Variants in REL observed in about 807,000 individuals in gnomAD.
The protein encoded by REL is proto-oncogene c-Rel.
A neutral mutation model predicts 45.9 loss-of-function variants in REL; 15 were observed. That is an observed-to-expected ratio of 0.33 (90% confidence interval 0.22 to 0.50). The LOEUF (loss-of-function observed/expected upper bound fraction) is 0.50. Ranked by LOEUF, REL falls within the 20% of genes least tolerant of loss-of-function variation. The pLI, the probability that REL is intolerant of heterozygous loss-of-function variation, is 0.98. For synonymous variants in REL, 239 were observed against 242.1 expected (o/e 0.99, Z 0.12); for missense variants, 601 against 715.2 (o/e 0.84, Z 1.82).
chr2:60,892,736 T>C (rs1210202173), intron 2 of REL, among the ~76,000 whole-genome samples: 1 of 151,974 alleles, frequency 6.6e-6, no homozygotes, highest in Non-Finnish European at 1.5e-5. Context: ...AGCCAAGATG[T>C]ACTAAATTTA....
chr2:60,884,366 T>A (rs1673020097), intron 1 of REL, among the ~76,000 whole-genome samples: 1 of 151,812 alleles, frequency 6.6e-6, no homozygotes, highest in African/African-American at 2.4e-5. Context: ...GTATATAATA[T>A]GATTCTAAAT....
At chr2:60,901,908 G>T (rs986135135) in intron 4 of REL, among the ~76,000 whole-genome samples, 2 of 152,074 alleles carry the variant, frequency 1.3e-5, no homozygotes, top group African/African-American at 4.8e-5. Context: ...CATTTATTAA[G>T]TATTTATACT....
At chr2:60,890,703 T>C (rs1399084083) in intron 1 of REL, among the ~76,000 whole-genome samples, 2 of 152,220 alleles carry the variant, frequency 1.3e-5, no homozygotes, top group African/African-American at 2.4e-5. Context: ...TACAACAAAC[T>C]GTACTTTTAA....
At chr2:60,919,254 A>G (rs574518012) in intron 7 of REL, among the ~76,000 whole-genome samples, 17 of 151,980 alleles carry the variant, frequency 1.1e-4, no homozygotes, top group African/African-American at 4.1e-4. Flanking sequence ...GTTTTTTTTG[A>G]GACAGGGTCT....
Position 60,881,773 on chromosome 2 carries a change from G to T in REL, c.-68G>T, listed in dbSNP as rs536903342. 4 of 1,485,788 alleles carry T rather than the reference G, an allele frequency of 2.7e-6. No homozygotes were observed. The Admixed American group carries it at 6.0e-5, about 22-fold the overall frequency. 92.0% of individuals were successfully genotyped at this position (1,485,788 alleles called of 1,614,324 possible). Reference sequence around the variant, plus strand: ...GCAGAGGTCCCTCGGCCTCCTGACTGACTGACTGCGGCCGCCTCCGGCCAG... The same window carrying T: ...GCAGAGGTCCCTCGGCCTCCTGACTTACTGACTGCGGCCGCCTCCGGCCAG... On this transcript the variant is annotated 5_prime_UTR_variant, in exon 1 of 10. Coordinates refer to ENST00000394479, the MANE Select transcript of REL (RefSeq NM_001291746.2).
intron 4 of REL, among the ~76,000 whole-genome samples, chr2:60,910,762 T>C (rs1036514763): frequency 6.6e-6 from 1 of 151,910 alleles, no homozygotes; most frequent in African/African-American, 2.4e-5. Context: ...TGAAACCCCG[T>C]CTCTACTAAA....
chr2:60,907,588 T>C (rs1042774161), intron 4 of REL, among the ~76,000 whole-genome samples: 9 of 152,096 alleles, frequency 5.9e-5, no homozygotes, highest in Non-Finnish European at 1.0e-4. Flanking sequence ...GAGCCCAGAT[T>C]GTGCCACTGC....
At chr2:60,914,584 A>G (rs1241412266) in intron 4 of REL, among the ~76,000 whole-genome samples, 3 of 152,194 alleles carry the variant, frequency 2.0e-5, no homozygotes, top group South Asian at 2.1e-4. Flanking sequence ...ATGTCCTGCT[A>G]CATAACCACA....
rs765013757 is a variant in REL at position 60,921,852 on chromosome 2, C to T, written c.1081C>T (p.Pro361Ser). The T allele has an allele frequency of 6.2e-7, 1 of 1,614,140 alleles. No homozygotes were observed. The highest frequency in any genetic ancestry group is 8.5e-7 in the Non-Finnish European group (1 of 1,180,012). ...AGAATCCTACTATCCCTCACCTGGGCCCATCTCAAGTGGATTGTCACATCA... is the reference window on the plus strand; with the variant it reads ...AGAATCCTACTATCCCTCACCTGGGTCCATCTCAAGTGGATTGTCACATCA... ...QAESYYPSPG[P>S]ISSGLSHHAS... Residue 361 changes from proline (P) to serine (S), a missense_variant, in exon 10 of 10, where the codon CCC becomes TCC. By Grantham distance (74) the Pro-to-Ser change is moderately conservative (BLOSUM62 -1). Transcript: ENST00000394479.
At chr2:60,893,682 G>C (rs1448649340) in intron 2 of REL, among the ~76,000 whole-genome samples, 1 of 152,054 alleles carries the variant, frequency 6.6e-6, no homozygotes, top group Non-Finnish European at 1.5e-5. Flanking sequence ...GGATTTTAGT[G>C]CCCTCTACCT....
chr2:60,906,910 T>C (rs1673672078), intron 4 of REL, among the ~76,000 whole-genome samples: 1 of 89,044 alleles, frequency 1.1e-5, no homozygotes, highest in Admixed American at 1.1e-4. Context: ...TATATATATA[T>C]ATATTTTTTT....
At chr2:60,883,036 G>T (rs1189522931) in intron 1 of REL, among the ~76,000 whole-genome samples, 3 of 152,136 alleles carry the variant, frequency 2.0e-5, no homozygotes, top group African/African-American at 7.2e-5. Flanking sequence ...GCCTGGGGTC[G>T]AGTTGGTCTT....
At chr2:60,882,847 CTT>C (rs991065770) in intron 1 of REL, among the ~76,000 whole-genome samples, 2 of 152,104 alleles carry the variant, frequency 1.3e-5, no homozygotes, top group Non-Finnish European at 2.9e-5. Flanking sequence ...AACTTTATCA[CTT>C]ATGTGACTAT....
At chr2:60,918,741 G>T (rs1674052054) in intron 7 of REL, 135 bp downstream of exon 7, 1 of 681,214 alleles carries the variant, frequency 1.5e-6, no homozygotes, top group Non-Finnish European at 2.5e-6. Context: ...CTTTCTGTTG[G>T]TTTTTTCTTT....
At chr2:60,894,680 C>T (rs1673303754) in intron 3 of REL, 135 bp downstream of exon 3, 3 of 592,142 alleles carry the variant, frequency 5.1e-6, no homozygotes, top group East Asian at 6.5e-5. Flanking sequence ...TTTACACTTA[C>T]ATTTTTACTA....
At chr2:60,890,928 A>G (rs1673193946) in intron 1 of REL, among the ~76,000 whole-genome samples, 1 of 152,244 alleles carries the variant, frequency 6.6e-6, no homozygotes, top group Non-Finnish European at 1.5e-5. Context: ...TCTTTCACTC[A>G]GCATAATCAT....
In REL at chr2:60,894,379, A is replaced by T. The variant is rs1673295320; in HGVS notation, c.154-18A>T. On this transcript the variant is annotated intron_variant, in intron 2 of 9. Transcript: ENST00000394479. ...GCAGTCTATTTGGATCATGTATTTA[A>T]TTTCCCCCTTTTTTCAGATTATGAA... 1 of 1,429,464 alleles carries T rather than the reference A, an allele frequency of 7.0e-7. No individual in the cohort carries two copies. Among genetic ancestry groups the T allele is most frequent in the South Asian group, 1.4e-5 (1 of 72,044 alleles). 88.5% of individuals were successfully genotyped at this position (1,429,464 alleles called of 1,614,324 possible). A position where few individuals can be genotyped will look rare whatever the true frequency, so the allele number is the denominator to read the frequency against.
At chr2:60,920,921 G>C (rs1234153202) in intron 9 of REL, among the ~76,000 whole-genome samples, 1 of 151,836 alleles carries the variant, frequency 6.6e-6, no homozygotes, top group Non-Finnish European at 1.5e-5. Context: ...TACTGATTTG[G>C]TTAGTTACCT....
chr2:60,929,566 C>T lies in REL; in HGVS notation c.*7031C>T, dbSNP rs1192827607. Reference sequence around the variant, plus strand: ...AAACATCATTCTCAGTAAACTATCGCAAGAACAAGAAACCAAACACCACAT... The same window carrying T: ...AAACATCATTCTCAGTAAACTATCGTAAGAACAAGAAACCAAACACCACAT... On this transcript the variant is annotated 3_prime_UTR_variant, in exon 10 of 10. Transcript: ENST00000394479. The T allele has an allele frequency of 6.6e-6, 1 of 150,802 alleles. No homozygotes were observed. Among genetic ancestry groups the T allele is most frequent in the African/African-American group, 2.4e-5 (1 of 40,968 alleles). 9.3% of individuals were successfully genotyped at this position (150,802 alleles called of 1,614,324 possible).
Sources: gnomAD v4.1 joint callset for allele counts (sites outside exome capture counted in the v4.1 genomes callset) on GRCh38, gnomAD v4.1.1 for gene constraint, MANE v1.5 for transcripts, NCBI Gene and HGNC (gene_info 2026-07-23, HGNC 2026-07-21) for gene names.